LRRC7: variants seen among roughly 807,000 people sequenced by gnomAD.
The protein encoded by LRRC7 is leucine rich repeat containing 7, also known as leucine-rich repeat-containing protein 7.
LRRC7 carries 23 observed loss-of-function variants against 175.7 expected under a neutral mutation model. That is an observed-to-expected ratio of 0.13 (90% confidence interval 0.09 to 0.19). The LOEUF (loss-of-function observed/expected upper bound fraction) is 0.19. Ranked by LOEUF, LRRC7 falls within the 10% of genes least tolerant of loss-of-function variation. LRRC7 has a pLI of 1.00. For missense variants in LRRC7, 1,354 were observed against 1,904.7 expected (o/e 0.71, Z 5.38); for synonymous variants, 685 against 680.9 (o/e 1.01, Z -0.09).
At chr1:69,864,115 C>T (rs1684649987) in intron 7 of LRRC7, among the ~76,000 whole-genome samples, 2 of 152,040 alleles carry the variant, frequency 1.3e-5, no homozygotes, top group Non-Finnish European at 1.5e-5. Flanking sequence ...TTTTCTGGAC[C>T]CACTCAGACT....
chr1:69,711,317 C>G (rs1210297741), intron 2 of LRRC7, among the ~76,000 whole-genome samples: 1 of 152,120 alleles, frequency 6.6e-6, no homozygotes, highest in East Asian at 1.9e-4. Flanking sequence ...ATATGCAGTG[C>G]CTGTACTTCA....
intron 8 of LRRC7, among the ~76,000 whole-genome samples, chr1:69,977,949 T>C (rs992352170): frequency 7.2e-5 from 11 of 152,230 alleles, no homozygotes; most frequent in Admixed American, 1.3e-4. Flanking sequence ...CTCTGTCTTA[T>C]TGTATTCATA....
At position 69,865,469 on chromosome 1, in the gene LRRC7, C is replaced by CTTTTTTTTTTTT. The variant is rs532063540; in HGVS notation, c.647+27200_647+27211dup. Among the ~76,000 whole-genome samples, 50 of 51,264 alleles carry CTTTTTTTTTTTT rather than the reference C, an allele frequency of 9.8e-4. 11 individuals are homozygous for CTTTTTTTTTTTT. Among genetic ancestry groups the CTTTTTTTTTTTT allele is most frequent in the African/African-American group, 1.6e-3 (20 of 12,320 alleles). The allele number at this position is 51,264 out of a possible 152,430, so 33.6% of individuals were successfully genotyped here. On this transcript the variant is annotated intron_variant, in intron 7 of 26. Coordinates refer to ENST00000651989, the MANE Select transcript of LRRC7 (RefSeq NM_001370785.2). ...ATAAGCAAGCTGCTGAAGACAGTTCCTTTTTTTTTTTTTTTTTTTTTTTTT... is the reference window on the plus strand; with the variant it reads ...ATAAGCAAGCTGCTGAAGACAGTTCCTTTTTTTTTTTTTTTTTTTTTTTTTTTTTTTTTTTTT...
chr1:69,602,795 A>C (rs191180453), intron 1 of LRRC7, among the ~76,000 whole-genome samples: 1 of 152,320 alleles, frequency 6.6e-6, no homozygotes, highest in South Asian at 2.1e-4. Flanking sequence ...AACTTATGGC[A>C]TACACAGCAG....
At chr1:69,756,317 A>G (rs1670417284) in intron 2 of LRRC7, among the ~76,000 whole-genome samples, 2 of 151,950 alleles carry the variant, frequency 1.3e-5, no homozygotes, top group African/African-American at 4.8e-5. Flanking sequence ...GTTAATGGAA[A>G]TCACAGAAAA....
chr1:69,886,917 C>T lies in LRRC7; in HGVS notation c.648-44590C>T, dbSNP rs574570849. On this transcript the variant is annotated intron_variant, in intron 7 of 26. Transcript: ENST00000651989. ...GATATGAAATTCTGGGTCGAAAATT[C>T]TTTTCTTTAAGAATGTTGAAAATTG... 3.9e-5 allele frequency among the ~76,000 whole-genome samples: 6 copies of T among 152,096 alleles called. No homozygotes were observed. The South Asian group carries it at 1.2e-3, about 32-fold the overall frequency.
At chr1:69,920,317 T>TAA (rs796335027) in intron 7 of LRRC7, 20 of 138,596 alleles carry the variant, frequency 1.4e-4, no homozygotes, top group African/African-American at 3.7e-4. Context: ...CCGGAACCAC[T>TAA]AAAAAAAAAA....
chr1:69,634,316 A>G (rs1652983683), intron 1 of LRRC7, among the ~76,000 whole-genome samples: 1 of 152,156 alleles, frequency 6.6e-6, no homozygotes, highest in African/African-American at 2.4e-5. Flanking sequence ...TATAGCTACA[A>G]GCTATATTGT....
chr1:69,683,259 G>A (rs1350543913), intron 2 of LRRC7, among the ~76,000 whole-genome samples: 1 of 151,942 alleles, frequency 6.6e-6, no homozygotes, highest in Non-Finnish European at 1.5e-5. Context: ...CTCTCAACTT[G>A]ACCTCCTACA....
intron 7 of LRRC7, among the ~76,000 whole-genome samples, chr1:69,920,846 G>C (rs529747651): frequency 5.9e-5 from 9 of 152,202 alleles, no homozygotes; most frequent in African/African-American, 1.9e-4. Context: ...CCAATACTTT[G>C]GTGCTTATTG....
At chr1:69,762,198 C>T (rs938154828) in intron 3 of LRRC7, among the ~76,000 whole-genome samples, 1 of 151,872 alleles carries the variant, frequency 6.6e-6, no homozygotes, top group Non-Finnish European at 1.5e-5. Context: ...TTTTCCATTT[C>T]TATGCAACAA....
chr1:69,585,007 T>C (rs906169718), intron 1 of LRRC7, among the ~76,000 whole-genome samples: 1 of 152,202 alleles, frequency 6.6e-6, no homozygotes, highest in Non-Finnish European at 1.5e-5. Context: ...TTTGGCACTG[T>C]ACATATAGCA....
intron 7 of LRRC7, among the ~76,000 whole-genome samples, chr1:69,910,637 G>C (rs1646494308): frequency 6.6e-6 from 1 of 152,218 alleles, no homozygotes; most frequent in South Asian, 2.1e-4. Context: ...CAGTTAGGCT[G>C]CTCGGGGGTC....
intron 7 of LRRC7, among the ~76,000 whole-genome samples, chr1:69,929,704 C>A (rs1226423493): frequency 2.0e-5 from 3 of 152,108 alleles, no homozygotes; most frequent in African/African-American, 7.2e-5. Flanking sequence ...CTGTTGTCCC[C>A]CTCAGTCTGT....
At chr1:69,739,309 G>T (rs1316929097) in intron 2 of LRRC7, among the ~76,000 whole-genome samples, 2 of 152,074 alleles carry the variant, frequency 1.3e-5, no homozygotes, top group African/African-American at 4.8e-5. Flanking sequence ...CAGAAGGCAT[G>T]CCAAGCTAAG....
chr1:69,679,097 AT>A (rs1430626985), intron 2 of LRRC7, among the ~76,000 whole-genome samples: 1 of 152,072 alleles, frequency 6.6e-6, no homozygotes, highest in African/African-American at 2.4e-5. Flanking sequence ...TAGGGATTAT[AT>A]TTATTTATTA....
In LRRC7 at chr1:69,924,710, G is replaced by A. The variant is rs545102287; in HGVS notation, c.648-6797G>A. The stretch of plus-strand genomic sequence containing the variant: ...TAAGGAGATTTTGGGCTGAGACAAT[G>A]GGGTTTCCTAGATATACAATCATGT... On this transcript the variant is annotated intron_variant, in intron 7 of 26. Coordinates refer to ENST00000651989, the MANE Select transcript of LRRC7 (RefSeq NM_001370785.2). 8.4e-3 allele frequency among the ~76,000 whole-genome samples: 1,278 copies of A among 152,230 alleles called. 23 individuals carry two copies. The highest frequency in any genetic ancestry group is 0.029 in the African/African-American group (1,209 of 41,508).
intron 23 of LRRC7, among the ~76,000 whole-genome samples, chr1:70,067,714 T>A (rs1662083479): frequency 6.6e-6 from 1 of 152,128 alleles, no homozygotes; most frequent in Non-Finnish European, 1.5e-5. Flanking sequence ...TTGGAGAGGA[T>A]CTTTACTTTT....
Position 70,016,538 on chromosome 1 carries a change from A to C in LRRC7, c.1320+4A>C, listed in dbSNP as rs1255187561. The C allele has an allele frequency of 6.4e-7, 1 of 1,559,472 alleles. No homozygotes were observed. Among genetic ancestry groups the C allele is most frequent in the Non-Finnish European group, 8.7e-7 (1 of 1,154,178 alleles). On this transcript the variant is annotated splice_donor_region_variant and intron_variant, in intron 14 of 26. Coordinates refer to ENST00000651989, the MANE Select transcript of LRRC7 (RefSeq NM_001370785.2). Reference sequence around the variant, plus strand: ...TTTGTGGCTTTCTGACAATCAGGTAAAAGGTTTTATTGCCTGATTTATTTA... The same window carrying C: ...TTTGTGGCTTTCTGACAATCAGGTACAAGGTTTTATTGCCTGATTTATTTA...
Sources: gnomAD v4.1 joint callset for allele counts (sites outside exome capture counted in the v4.1 genomes callset) on GRCh38, gnomAD v4.1.1 for gene constraint, MANE v1.5 for transcripts, NCBI Gene and HGNC (gene_info 2026-07-23, HGNC 2026-07-21) for gene names.